Variants in LCLAT1 observed in about 807,000 individuals in gnomAD.
The protein encoded by LCLAT1 is lysocardiolipin acyltransferase 1.
LCLAT1 carries 11 observed loss-of-function variants against 30.7 expected under a neutral mutation model. That is an observed-to-expected ratio of 0.36 (90% CI 0.23 to 0.59). The LOEUF (loss-of-function observed/expected upper bound fraction) is 0.59, where lower values mean the gene tolerates loss of function less well. Ranked by LOEUF, LCLAT1 falls within the 20% of genes least tolerant of loss-of-function variation. The probability of loss-of-function intolerance (pLI) is 0.77; values close to 1 mark genes in which losing one functional copy is unlikely to be tolerated. For missense variants in LCLAT1, 402 were observed against 458.6 expected (o/e 0.88, Z 1.13); for synonymous variants, 155 against 151.3 (o/e 1.02, Z -0.18).
intron 3 of LCLAT1, among the ~76,000 whole-genome samples, chr2:30,548,365 G>A (rs1664523126): frequency 6.6e-6 from 1 of 152,158 alleles, no homozygotes; most frequent in African/African-American, 2.4e-5. Flanking sequence ...GGAGCCACGG[G>A]ACATCAATCA....
chr2:30,620,050 A>C (rs991825736), intron 5 of LCLAT1, among the ~76,000 whole-genome samples: 3 of 152,200 alleles, frequency 2.0e-5, no homozygotes, highest in African/African-American at 7.2e-5. Flanking sequence ...TCACTTACTA[A>C]GGATAATCTC....
At position 30,525,562 on chromosome 2, in the gene LCLAT1, A is replaced by G. The variant is rs941108515; in HGVS notation, c.-4-25A>G. 3.2e-6 allele frequency: 5 copies of G among 1,586,308 alleles called. No homozygotes were observed. In the Admixed American group the frequency reaches 8.4e-5, roughly 27 times the overall value. On this transcript the variant is annotated intron_variant, in intron 1 of 5. Transcript: ENST00000379509. ...GAGCCGTTAAATGTATAGTAACAAA[A>G]TATATCCTTTTTTATATCTTTCAGA...
chr2:30,476,036 T>G (rs1683025810), intron 1 of LCLAT1, among the ~76,000 whole-genome samples: 1 of 152,176 alleles, frequency 6.6e-6, no homozygotes, highest in Non-Finnish European at 1.5e-5. Flanking sequence ...TATTGAACAT[T>G]CACTGGACCT....
chr2:30,490,205 T>C (rs1269484083), intron 1 of LCLAT1, among the ~76,000 whole-genome samples: 1 of 149,752 alleles, frequency 6.7e-6, no homozygotes, highest in Non-Finnish European at 1.5e-5. Context: ...TCTGATTTTT[T>C]TTTTTTTTTT....
chr2:30,581,847 G>A (rs1336656168), intron 5 of LCLAT1, among the ~76,000 whole-genome samples: 1 of 152,072 alleles, frequency 6.6e-6, no homozygotes, highest in Non-Finnish European at 1.5e-5. Context: ...AACACTGTGG[G>A]GTGACTATAA....
chr2:30,575,140 T>G (rs1233350782), intron 5 of LCLAT1, among the ~76,000 whole-genome samples: 6 of 152,142 alleles, frequency 3.9e-5, no homozygotes. Context: ...CCAGACAGCT[T>G]AAGTGTTTTT....
At chr2:30,618,500 G>A (rs1323830996) in intron 5 of LCLAT1, among the ~76,000 whole-genome samples, 1 of 152,030 alleles carries the variant, frequency 6.6e-6, no homozygotes, top group African/African-American at 2.4e-5. Flanking sequence ...CTTTGATATT[G>A]TAAATGGTGT....
intron 1 of LCLAT1, among the ~76,000 whole-genome samples, chr2:30,492,953 A>G (rs1004645874): frequency 6.6e-6 from 1 of 152,142 alleles, no homozygotes; most frequent in Non-Finnish European, 1.5e-5. Context: ...AGCCCTTTTT[A>G]AAAAAGCTCT....
At chr2:30,513,657 A>G (rs534873905) in intron 1 of LCLAT1, among the ~76,000 whole-genome samples, 2 of 152,360 alleles carry the variant, frequency 1.3e-5, no homozygotes, top group East Asian at 3.9e-4. Context: ...GAAGAGGTCA[A>G]GCTGGGAACT....
intron 1 of LCLAT1, among the ~76,000 whole-genome samples, chr2:30,497,455 A>G (rs933191212): frequency 3.3e-5 from 5 of 152,320 alleles, no homozygotes; most frequent in African/African-American, 9.6e-5. Context: ...TAGACTTTGC[A>G]TTAATAACTA....
chr2:30,573,679 T>C (rs1665879231), intron 5 of LCLAT1, among the ~76,000 whole-genome samples: 1 of 152,204 alleles, frequency 6.6e-6, no homozygotes, highest in African/African-American at 2.4e-5. Flanking sequence ...TTTGGCTTGG[T>C]TGGGTACCTT....
At chr2:30,541,447 G>T (rs1273579583) in intron 3 of LCLAT1, among the ~76,000 whole-genome samples, 1 of 112,220 alleles carries the variant, frequency 8.9e-6, no homozygotes, top group East Asian at 2.7e-4. Context: ...GAGACTTCTT[G>T]TTTATCCCCC....
intron 5 of LCLAT1, among the ~76,000 whole-genome samples, chr2:30,601,678 T>TTTCAAGATTAATAGATGTAG (rs1667191098): frequency 6.6e-6 from 1 of 150,860 alleles, no homozygotes; most frequent in African/African-American, 2.5e-5. Context: ...AGATGCACTT[T>TTTCAAGATTAATAGATGTAG]AAAACAATAT....
intron 2 of LCLAT1, among the ~76,000 whole-genome samples, chr2:30,527,446 G>A (rs2148387385): frequency 6.6e-6 from 1 of 152,184 alleles, no homozygotes; most frequent in South Asian, 2.1e-4. Context: ...ACACATTTTT[G>A]TTGAATCTTT....
At chr2:30,480,432 T>C (rs1433057370) in intron 1 of LCLAT1, among the ~76,000 whole-genome samples, 1 of 152,160 alleles carries the variant, frequency 6.6e-6, no homozygotes, top group African/African-American at 2.4e-5. Context: ...TGAGTTCAAG[T>C]AATCTACCTG....
chr2:30,486,335 G>A (rs1176438394), intron 1 of LCLAT1, among the ~76,000 whole-genome samples: 1 of 152,068 alleles, frequency 6.6e-6, no homozygotes, highest in African/African-American at 2.4e-5. Flanking sequence ...ATAACATTTA[G>A]CATTATTAAC....
chr2:30,605,075 T>C (rs1163518233), intron 5 of LCLAT1, among the ~76,000 whole-genome samples: 1 of 152,210 alleles, frequency 6.6e-6, no homozygotes, highest in Non-Finnish European at 1.5e-5. Flanking sequence ...TTGTAGTGTT[T>C]TCCAAAGTAC....
chr2:30,460,692 G>A (rs1682073554), intron 1 of LCLAT1, among the ~76,000 whole-genome samples: 1 of 152,092 alleles, frequency 6.6e-6, no homozygotes, highest in Non-Finnish European at 1.5e-5. Flanking sequence ...ATCCTAATAA[G>A]GTGACTCTGG....
rs1263678008 is a variant in LCLAT1 at position 30,555,846 on chromosome 2, T to C, written c.365-6300T>C. On this transcript the variant is annotated intron_variant, in intron 3 of 5. Coordinates refer to ENST00000379509, the MANE Select transcript of LCLAT1 (RefSeq NM_001002257.3). ...ATTTCTTTTTTTCTTTTTCTTTTTT[T>C]TTTTTTTTTGAGATAGAGTCTTGCT... is the stretch of plus-strand genomic sequence containing the variant. Among the ~76,000 whole-genome samples the C allele has an allele frequency of 2.7e-5, 4 of 150,646 alleles. 1 individual carries two copies. The highest frequency in any genetic ancestry group is 1.3e-4 in the Admixed American group (2 of 15,160).
Sources: gnomAD v4.1 joint callset for allele counts (sites outside exome capture counted in the v4.1 genomes callset) on GRCh38, gnomAD v4.1.1 for gene constraint, MANE v1.5 for transcripts, NCBI Gene and HGNC (gene_info 2026-07-23, HGNC 2026-07-21) for gene names.